Variants in PPFIBP2 observed in about 807,000 individuals in gnomAD.
PPFIBP2 encodes the protein liprin-beta-2.
PPFIBP2 carries 118 observed loss-of-function variants against 118.3 expected under a neutral mutation model. The observed-to-expected ratio is 1.00, with a 90% CI of 0.86 to 1.16. PPFIBP2 has a LOEUF of 1.16. PPFIBP2 is among the 50% of genes most tolerant of loss of function. PPFIBP2 has a pLI of 0.00. For missense variants in PPFIBP2, 1,195 were observed against 1,073.1 expected (o/e 1.11, Z -1.59); for synonymous variants, 414 against 397.4 (o/e 1.04, Z -0.50).
At chr11:7,574,046 C>G (rs997522653) in intron 3 of PPFIBP2, 3 of 152,212 alleles carry the variant, frequency 2.0e-5, no homozygotes, top group Admixed American at 6.5e-5. Flanking sequence ...CTGGGGTTCT[C>G]TTCTAGACCC....
chr11:7,621,572 T>C (rs567577939), intron 7 of PPFIBP2, among the ~76,000 whole-genome samples: 6 of 152,396 alleles, frequency 3.9e-5, no homozygotes, highest in Admixed American at 3.3e-4. Flanking sequence ...AATAAATTTC[T>C]TCCCTGTCCC....
intron 17 of PPFIBP2, among the ~76,000 whole-genome samples, chr11:7,644,958 C>T (rs937108853): frequency 8.0e-6 from 1 of 125,420 alleles, no homozygotes; most frequent in Non-Finnish European, 1.6e-5. Context: ...ACCCGGGAGG[C>T]GGAGCTTGCA....
At chr11:7,557,917 TACA>T (rs1297779292) in intron 2 of PPFIBP2, among the ~76,000 whole-genome samples, 3 of 152,234 alleles carry the variant, frequency 2.0e-5, no homozygotes, top group African/African-American at 7.2e-5. Flanking sequence ...TTGTTTTAAA[TACA>T]ACACTTTAAA....
At chr11:7,643,011 G>A (rs1046786164) in intron 17 of PPFIBP2, among the ~76,000 whole-genome samples, 7 of 152,078 alleles carry the variant, frequency 4.6e-5, no homozygotes, top group Admixed American at 1.3e-4. Flanking sequence ...TTTATTCTTC[G>A]ATGAGTATCC....
chr11:7,620,934 G>A lies in PPFIBP2; in HGVS notation c.619-1G>A, dbSNP rs764174368. 1.3e-6 allele frequency: 2 copies of A among 1,598,420 alleles called. No homozygotes were observed. The highest frequency in any genetic ancestry group is 8.6e-7 in the Non-Finnish European group (1 of 1,165,758). On this transcript the variant is annotated splice_acceptor_variant, in intron 6 of 23. Transcript: ENST00000299492. LOFTEE classifies it high-confidence loss of function. ...CTTTGTCTTTCTCCCTCATCCCCTA[G>A]GAGTTACTGCAAGAGCTCAGGCACC... is the stretch of plus-strand genomic sequence containing the variant.
chr11:7,652,454 G>C (rs4758011), intron 23 of PPFIBP2, among the ~76,000 whole-genome samples: 92,177 of 152,108 alleles, frequency 0.61, 28,321 homozygotes, highest in Non-Finnish European at 0.67. Flanking sequence ...CTGGAGGCCA[G>C]GCTGGTCCTA....
At chr11:7,515,042 C>T (rs79728027) in intron 1 of PPFIBP2, among the ~76,000 whole-genome samples, 3,095 of 152,270 alleles carry the variant, frequency 0.02, 80 homozygotes, top group African/African-American at 0.07. Context: ...AAATGGTCAA[C>T]TACAGAAAAG....
chr11:7,665,722 G>A, the PPFIBP2 span: 2 of 1,175,908 alleles, frequency 1.7e-6, no homozygotes, highest in East Asian at 2.6e-5. Context: ...ACAGCCCTCT[G>A]CAGCAATCAC....
intron 17 of PPFIBP2, 121 bp downstream of exon 17, chr11:7,642,547 C>T (rs750627560): frequency 1.9e-5 from 22 of 1,155,274 alleles, no homozygotes; most frequent in East Asian, 2.6e-5. Flanking sequence ...ATATTCTCTT[C>T]CCCAGTCAAG....
At chr11:7,600,312 T>A (rs935422547) in intron 5 of PPFIBP2, among the ~76,000 whole-genome samples, 1 of 152,222 alleles carries the variant, frequency 6.6e-6, no homozygotes, top group Non-Finnish European at 1.5e-5. Flanking sequence ...AAATCCAAAG[T>A]TGAATGTTCG....
At chr11:7,545,900 G>A (rs938596108) in intron 1 of PPFIBP2, among the ~76,000 whole-genome samples, 4 of 152,138 alleles carry the variant, frequency 2.6e-5, no homozygotes, top group Admixed American at 6.5e-5. Context: ...CTCCTACCTT[G>A]GGGAGGAGAG....
At chr11:7,639,313 T>C (rs1851829043) in intron 14 of PPFIBP2, among the ~76,000 whole-genome samples, 1 of 152,218 alleles carries the variant, frequency 6.6e-6, no homozygotes, top group Admixed American at 6.5e-5. Context: ...ATTTTACATA[T>C]ATATGTATGT....
chr11:7,588,433 C>G (rs977492311), intron 3 of PPFIBP2, among the ~76,000 whole-genome samples: 1 of 152,208 alleles, frequency 6.6e-6, no homozygotes, highest in Non-Finnish European at 1.5e-5. Context: ...TTTCCTGAGG[C>G]CCCTCTCAGT....
chr11:7,665,466 G>T, the PPFIBP2 span: 2 of 1,613,938 alleles, frequency 1.2e-6, no homozygotes, highest in Non-Finnish European at 1.7e-6. Context: ...CCACACACCA[G>T]GATGAGCGTG....
At chr11:7,594,557 G>A (rs1305711018) in intron 4 of PPFIBP2, among the ~76,000 whole-genome samples, 5 of 152,132 alleles carry the variant, frequency 3.3e-5, no homozygotes, top group Non-Finnish European at 7.3e-5. Flanking sequence ...TGAGGCAGGT[G>A]AATCACCTGA....
intron 6 of PPFIBP2, 191 bp downstream of exon 6, chr11:7,610,613 A>C (rs1216672248): frequency 6.6e-5 from 49 of 738,046 alleles, no homozygotes; most frequent in Admixed American, 2.9e-5. Context: ...CAATATCCAA[A>C]CCAGCCAGTT....
chr11:7,651,584 GTC>G, intron 22 of PPFIBP2, 70 bp from the exon 23 acceptor site: 2 of 1,429,900 alleles, frequency 1.4e-6, no homozygotes, highest in Admixed American at 1.9e-5. Context: ...CAACAGGCCA[GTC>G]TCTCAGCATC....
chr11:7,641,690 G>A, intron 16 of PPFIBP2, 70 bp downstream of exon 16: 3 of 1,473,656 alleles, frequency 2.0e-6, no homozygotes, highest in Non-Finnish European at 2.8e-6. Flanking sequence ...AAGAGTCTAT[G>A]TAAGCCCCTG....
chr11:7,611,122 A>G (rs1023558209), intron 6 of PPFIBP2, among the ~76,000 whole-genome samples: 2 of 152,236 alleles, frequency 1.3e-5, no homozygotes, highest in African/African-American at 4.8e-5. Context: ...GAGAGATATG[A>G]AAGAAGATAG....
Sources: allele counts gnomAD v4.1 joint callset (sites outside exome capture counted in the v4.1 genomes callset), GRCh38; gene constraint gnomAD v4.1.1; transcripts MANE v1.5; gene names NCBI Gene and HGNC (gene_info 2026-07-23, HGNC 2026-07-21).